PKIG: variants seen among roughly 807,000 people sequenced by gnomAD.
PKIG encodes protein kinase (cAMP-dependent, catalytic) inhibitor gamma.
PKIG carries 1 observed loss-of-function variant against 6.8 expected under a neutral mutation model. That is an observed-to-expected ratio of 0.15 (90% confidence interval 0.05 to 0.69). PKIG has a LOEUF of 0.69. Ranked by LOEUF, PKIG falls within the 30% of genes least tolerant of loss-of-function variation. The pLI is 0.82. For missense variants in PKIG, 77 were observed against 104.0 expected (o/e 0.74, Z 1.13); for synonymous variants, 39 against 43.0 (o/e 0.91, Z 0.36).
intron 2 of PKIG, among the ~76,000 whole-genome samples, chr20:44,595,748 G>A (rs1465156910): frequency 3.3e-5 from 5 of 152,094 alleles, no homozygotes; most frequent in East Asian, 3.9e-4. Context: ...TCCTGACCTC[G>A]TGATCCGCCA....
intron 1 of PKIG, among the ~76,000 whole-genome samples, chr20:44,555,238 G>A (rs2064703201): frequency 1.3e-5 from 2 of 152,156 alleles, no homozygotes; most frequent in Admixed American, 1.3e-4. Flanking sequence ...AAACAAACAT[G>A]AAAATGTATT....
At chr20:44,589,919 C>G (rs1005631223) in intron 2 of PKIG, 53 bp downstream of exon 2, 1 of 152,300 alleles carries the variant, frequency 6.6e-6, no homozygotes, top group African/African-American at 2.4e-5. Context: ...ACGTTTTTGC[C>G]TGAATATCTT....
chr20:44,582,522 G>C (rs1050913256), upstream of PKIG: 1 of 152,342 alleles, frequency 6.6e-6, no homozygotes, highest in Non-Finnish European at 1.5e-5. Context: ...ACAACAAATG[G>C]GGACTTACTT....
chr20:44,542,832 A>G (rs2064574338), intron 1 of PKIG, among the ~76,000 whole-genome samples: 1 of 152,204 alleles, frequency 6.6e-6, no homozygotes. Flanking sequence ...ACCTCAAGTG[A>G]TAGGCCCACC....
At chr20:44,575,379 C>T (rs2064888229) in intron 1 of PKIG, among the ~76,000 whole-genome samples, 1 of 152,186 alleles carries the variant, frequency 6.6e-6, no homozygotes, top group African/African-American at 2.4e-5. Flanking sequence ...CCACCACGCC[C>T]AGCCAATTTT....
intron 1 of PKIG, among the ~76,000 whole-genome samples, chr20:44,533,587 A>G (rs988451457): frequency 2.0e-5 from 3 of 152,188 alleles, no homozygotes; most frequent in African/African-American, 7.2e-5. Context: ...GGATGTTCCA[A>G]ACATTTTCAA....
intron 1 of PKIG, among the ~76,000 whole-genome samples, chr20:44,546,223 A>G (rs994078139): frequency 6.6e-6 from 1 of 152,128 alleles, no homozygotes; most frequent in Non-Finnish European, 1.5e-5. Flanking sequence ...GCAGTCCAGC[A>G]TGGGTGACAG....
intron 3 of PKIG, among the ~76,000 whole-genome samples, chr20:44,617,432 G>A (rs1309634543): frequency 6.6e-6 from 1 of 152,112 alleles, no homozygotes; most frequent in Non-Finnish European, 1.5e-5. Context: ...ACTGGGGCCT[G>A]GGTGTGAGTT....
intron 1 of PKIG, among the ~76,000 whole-genome samples, chr20:44,589,515 A>G (rs1370052410): frequency 1.3e-5 from 2 of 152,182 alleles, no homozygotes; most frequent in African/African-American, 4.8e-5. Flanking sequence ...ACCATAATTT[A>G]ACTATTTTTC....
intron 2 of PKIG, among the ~76,000 whole-genome samples, chr20:44,603,355 A>G (rs564099714): frequency 3.9e-5 from 6 of 152,142 alleles, no homozygotes; most frequent in Admixed American, 3.3e-4. Context: ...TTGCATCACC[A>G]TCTTATTGAA....
intron 2 of PKIG, among the ~76,000 whole-genome samples, chr20:44,592,698 A>G (rs758214283): frequency 2.6e-5 from 4 of 152,336 alleles, no homozygotes; most frequent in East Asian, 3.9e-4. Flanking sequence ...TCTCCTGGCC[A>G]TGAGGAAAAC....
At chr20:44,571,189 G>A (rs972005601) in intron 1 of PKIG, among the ~76,000 whole-genome samples, 8 of 152,000 alleles carry the variant, frequency 5.3e-5, no homozygotes, top group African/African-American at 9.7e-5. Context: ...AGCTGAGATC[G>A]TGCTCTCACT....
At chr20:44,550,727 C>A (rs1727286148) in intron 1 of PKIG, among the ~76,000 whole-genome samples, 1 of 152,086 alleles carries the variant, frequency 6.6e-6, no homozygotes, top group South Asian at 2.1e-4. Flanking sequence ...TATTATTATC[C>A]TTATGTTACA....
intron 1 of PKIG, among the ~76,000 whole-genome samples, chr20:44,574,672 C>G (rs1179057014): frequency 6.6e-6 from 1 of 151,904 alleles, no homozygotes; most frequent in East Asian, 1.9e-4. Flanking sequence ...CTCCCTGGTT[C>G]AAGCAGTTCT....
At chr20:44,539,254 G>A (rs1036924704) in intron 1 of PKIG, among the ~76,000 whole-genome samples, 46 of 151,876 alleles carry the variant, frequency 3.0e-4, no homozygotes, top group African/African-American at 1.1e-3. Flanking sequence ...TTTCATAAAT[G>A]TCTTTTTACA....
chr20:44,549,026 A>G (rs1173912328), intron 1 of PKIG, among the ~76,000 whole-genome samples: 8 of 152,206 alleles, frequency 5.3e-5, no homozygotes, highest in African/African-American at 1.9e-4. Context: ...TCCCCTGGGT[A>G]TGAGAGTTAT....
At chr20:44,566,101 C>T (rs2064808473) in intron 1 of PKIG, among the ~76,000 whole-genome samples, 1 of 152,174 alleles carries the variant, frequency 6.6e-6, no homozygotes, top group Non-Finnish European at 1.5e-5. Context: ...CATTGCATGC[C>T]ACTAACTACC....
chr20:44,532,094 G>A (rs916421355), intron 1 of PKIG: 10 of 152,220 alleles, frequency 6.6e-5, no homozygotes, highest in Admixed American at 6.5e-4. Context: ...GCTGCGGCCC[G>A]ATCTTTGTCC....
In PKIG at chr20:44,618,312, A is replaced by G. The variant is rs181100970; in HGVS notation, c.179A>G (p.Asp60Gly). Residue 60 changes from aspartate (D) to glycine (G), a missense_variant, in exon 4 of 4, where the codon GAC (aspartate) becomes GGC (glycine). Coordinates refer to ENST00000372886, the MANE Select transcript of PKIG (RefSeq NM_001281445.2). The stretch of plus-strand genomic sequence containing the variant: ...GGACAGGTGGAGGGAAGCGCCCCAG[A>G]CAAGGAAGCTGGCAACCAGCCCCAG... The part of the protein sequence containing the change: ...AEGQVEGSAP[D>G]KEAGNQPQSS... 6.2e-7 allele frequency: 1 copy of G among 1,613,554 alleles called. No homozygotes were observed.
Sources: gnomAD v4.1 joint callset for allele counts (sites outside exome capture counted in the v4.1 genomes callset) on GRCh38, gnomAD v4.1.1 for gene constraint, MANE v1.5 for transcripts, NCBI Gene and HGNC (gene_info 2026-07-23, HGNC 2026-07-21) for gene names.